TENM3: variants seen among roughly 807,000 people sequenced by gnomAD.
TENM3 encodes the protein teneurin-3.
TENM3 carries 63 observed loss-of-function variants against 255.1 expected under a neutral mutation model. That is an observed-to-expected ratio of 0.25 (90% CI 0.20 to 0.30). The LOEUF is 0.30. TENM3 is among the 10% of genes least tolerant of loss of function. The pLI is 1.00. For missense variants in TENM3, 2,929 were observed against 3,461.1 expected, an observed-to-expected ratio of 0.85 and a Z score of 3.86; for synonymous variants, 1,306 against 1,322.3, an observed-to-expected ratio of 0.99 and a Z score of 0.27.
Position 182,473,602 on chromosome 4 carries a change from G to A in TENM3, c.511+126673G>A, listed in dbSNP as rs536078671. Among the ~76,000 whole-genome samples the A allele has an allele frequency of 3.3e-5, 5 of 152,290 alleles. No homozygotes were observed. The East Asian group carries it at 7.7e-4, about 24-fold the overall frequency. ...GCAAGTGAATGGCGTGAACTAGGGAGGCGGAGCTTGCAGTGAGCCGAGATC... is the reference window on the plus strand; with the variant it reads ...GCAAGTGAATGGCGTGAACTAGGGAAGCGGAGCTTGCAGTGAGCCGAGATC... On this transcript the variant is annotated intron_variant, in intron 3 of 27. Coordinates refer to ENST00000511685, the MANE Select transcript of TENM3 (RefSeq NM_001080477.4).
the TENM3 span, among the ~76,000 whole-genome samples, chr4:181,874,269 G>A: frequency 6.6e-6 from 1 of 152,134 alleles, no homozygotes; most frequent in Non-Finnish European, 1.5e-5. Flanking sequence ...TGATCATGTG[G>A]TTGACATTTT....
chr4:181,551,596 A>G, the TENM3 span, among the ~76,000 whole-genome samples: 7 of 152,084 alleles, frequency 4.6e-5, no homozygotes, highest in Admixed American at 1.3e-4. Context: ...ACTCCAGAAA[A>G]CTTCATGGAG....
the TENM3 span, among the ~76,000 whole-genome samples, chr4:182,064,623 A>T: frequency 1.3e-5 from 2 of 152,020 alleles, no homozygotes; most frequent in Non-Finnish European, 2.9e-5. Flanking sequence ...ACCAATGGGG[A>T]CCCATTCAAA....
intron 24 of TENM3, among the ~76,000 whole-genome samples, chr4:182,786,391 C>G (rs1050022786): frequency 5.9e-5 from 9 of 151,852 alleles, no homozygotes; most frequent in Non-Finnish European, 1.3e-4. Context: ...ACCCCCGTCT[C>G]TACTAAAAAT....
At chr4:182,024,922 A>C in the TENM3 span, among the ~76,000 whole-genome samples, 4 of 152,068 alleles carry the variant, frequency 2.6e-5, no homozygotes, top group African/African-American at 9.7e-5. Flanking sequence ...ACAAAAAAAA[A>C]GTGAGAACAT....
chr4:182,067,197 C>A, the TENM3 span, among the ~76,000 whole-genome samples: 5 of 152,136 alleles, frequency 3.3e-5, no homozygotes, highest in African/African-American at 4.8e-5. Context: ...CTTTCAGGAA[C>A]TTTTAGAGCT....
At chr4:181,568,124 T>C in the TENM3 span, among the ~76,000 whole-genome samples, 3 of 151,762 alleles carry the variant, frequency 2.0e-5, no homozygotes, top group Non-Finnish European at 4.4e-5. Flanking sequence ...GTTTTCTCCA[T>C]AGGAAGGGTT....
intron 1 of TENM3, among the ~76,000 whole-genome samples, chr4:182,277,112 G>A (rs967774663): frequency 6.6e-6 from 1 of 152,220 alleles, no homozygotes; most frequent in Non-Finnish European, 1.5e-5. Flanking sequence ...TGTGAGGTCA[G>A]GTCCTATTAC....
chr4:181,803,728 T>A, the TENM3 span, among the ~76,000 whole-genome samples: 1 of 151,830 alleles, frequency 6.6e-6, no homozygotes, highest in South Asian at 2.1e-4. Context: ...GCCAGGAGTT[T>A]GAGACCAGCC....
the TENM3 span, among the ~76,000 whole-genome samples, chr4:181,698,433 C>T: frequency 6.6e-6 from 1 of 151,930 alleles, no homozygotes; most frequent in Non-Finnish European, 1.5e-5. Flanking sequence ...TAGACATTTC[C>T]CACAAACCAT....
chr4:181,704,482 C>T, the TENM3 span, among the ~76,000 whole-genome samples: 2 of 152,170 alleles, frequency 1.3e-5, no homozygotes, highest in African/African-American at 4.8e-5. Context: ...CTCTTTCCTC[C>T]TCCTCCCTCC....
the TENM3 span, among the ~76,000 whole-genome samples, chr4:181,897,607 T>C: frequency 2.6e-5 from 4 of 152,184 alleles, no homozygotes; most frequent in African/African-American, 9.7e-5. Flanking sequence ...GATCAAAGAT[T>C]TTGATACAAA....
the TENM3 span, among the ~76,000 whole-genome samples, chr4:182,126,580 A>G: frequency 1.3e-5 from 2 of 152,200 alleles, no homozygotes; most frequent in African/African-American, 4.8e-5. Flanking sequence ...TTTAGCCTCT[A>G]ACGTGATCTT....
At chr4:182,501,932 A>C (rs529672097) in intron 3 of TENM3, among the ~76,000 whole-genome samples, 6 of 152,138 alleles carry the variant, frequency 3.9e-5, no homozygotes, top group African/African-American at 1.4e-4. Flanking sequence ...AAGGGAAGTA[A>C]ATTTTCTGAG....
chr4:182,252,182 CA>C (rs11322561), intron 1 of TENM3, among the ~76,000 whole-genome samples: 7,063 of 131,608 alleles, frequency 0.054, 207 homozygotes, highest in Middle Eastern at 0.076. Flanking sequence ...GACTCCATCT[CA>C]AAAAAAAAAA....
the TENM3 span, among the ~76,000 whole-genome samples, chr4:181,532,871 G>A: frequency 6.6e-6 from 1 of 151,990 alleles, no homozygotes; most frequent in Non-Finnish European, 1.5e-5. Context: ...ATCTTATTAT[G>A]CATTCTGAGA....
the TENM3 span, among the ~76,000 whole-genome samples, chr4:181,859,263 A>AT: frequency 1.3e-5 from 2 of 150,224 alleles, no homozygotes; most frequent in African/African-American, 4.9e-5. Context: ...AAAAAAAAAA[A>AT]AAATCCCTCA....
At chr4:181,506,738 A>C in the TENM3 span, among the ~76,000 whole-genome samples, 3 of 151,782 alleles carry the variant, frequency 2.0e-5, no homozygotes, top group Non-Finnish European at 2.9e-5. Context: ...CAAAAGACAG[A>C]ATCACCACCA....
At chr4:182,388,771 C>T (rs970868879) in intron 3 of TENM3, among the ~76,000 whole-genome samples, 4 of 152,204 alleles carry the variant, frequency 2.6e-5, no homozygotes, top group Non-Finnish European at 5.9e-5. Context: ...GTGAAACTCT[C>T]TGGCCACCCC....
Sources: gnomAD v4.1 joint callset for allele counts (sites outside exome capture counted in the v4.1 genomes callset) on GRCh38, gnomAD v4.1.1 for gene constraint, MANE v1.5 for transcripts, NCBI Gene and HGNC (gene_info 2026-07-23, HGNC 2026-07-21) for gene names.